TUBA1C: variants seen among roughly 807,000 people sequenced by gnomAD.
TUBA1C encodes tubulin alpha-1C chain.
A neutral mutation model predicts 34.9 loss-of-function variants in TUBA1C; 16 were observed. That is an observed-to-expected ratio of 0.46 (90% CI 0.31 to 0.70). TUBA1C has a LOEUF of 0.70. TUBA1C is among the 30% of genes least tolerant of loss of function. The pLI, the probability that TUBA1C is intolerant of heterozygous loss-of-function variation, is 0.05. For synonymous variants in TUBA1C, 177 were observed against 215.9 expected (o/e 0.82, Z 1.58); for missense variants, 329 against 587.3 (o/e 0.56, Z 4.55).
chr12:49,229,345 GTA>G (rs1244372740), intron 1 of TUBA1C, among the ~76,000 whole-genome samples: 1 of 152,074 alleles, frequency 6.6e-6, no homozygotes, highest in Non-Finnish European at 1.5e-5. Context: ...GCTAATTTTT[GTA>G]TTTTTAGTAG....
chr12:49,228,397 A>G (rs1362401803), intron 1 of TUBA1C, among the ~76,000 whole-genome samples: 1 of 152,210 alleles, frequency 6.6e-6, no homozygotes, highest in Non-Finnish European at 1.5e-5. Context: ...TAGGACCACA[A>G]ATAGACATAT....
intron 1 of TUBA1C, among the ~76,000 whole-genome samples, chr12:49,236,344 G>T (rs981827188): frequency 2.2e-4 from 33 of 152,206 alleles, no homozygotes; most frequent in Admixed American, 2.2e-3. Flanking sequence ...CAGAATATTA[G>T]AGCAGATTGC....
chr12:49,232,573 C>T (rs895231936), intron 1 of TUBA1C, among the ~76,000 whole-genome samples: 10 of 152,072 alleles, frequency 6.6e-5, no homozygotes, highest in Non-Finnish European at 1.2e-4. Context: ...TTTAAAAAGG[C>T]GCTATGTTAA....
chr12:49,259,294 C>T (rs1007902458), intron 1 of TUBA1C, among the ~76,000 whole-genome samples: 1 of 150,800 alleles, frequency 6.6e-6, no homozygotes, highest in Non-Finnish European at 1.5e-5. Context: ...ATGCAGTGTG[C>T]GATCTCGGCT....
intron 1 of TUBA1C, among the ~76,000 whole-genome samples, chr12:49,235,132 T>C (rs1038996893): frequency 6.8e-6 from 1 of 147,454 alleles, no homozygotes; most frequent in African/African-American, 2.6e-5. Context: ...AAAAAAAAAA[T>C]TAATTTGGGA....
upstream of TUBA1C, among the ~76,000 whole-genome samples, chr12:49,260,511 A>G (rs1942830999): frequency 6.6e-6 from 1 of 152,354 alleles, no homozygotes; most frequent in East Asian, 1.9e-4. Context: ...CGTCCAAAAC[A>G]CAGCTCAAAT....
At chr12:49,235,266 AATTCCCCTTCCTG>A (rs958579057) in intron 1 of TUBA1C, among the ~76,000 whole-genome samples, 2 of 151,820 alleles carry the variant, frequency 1.3e-5, no homozygotes, top group Non-Finnish European at 2.9e-5. Flanking sequence ...AAAAAAAAAA[AATTCCCCTTCCTG>A]TTAGTTCCAG....
chr12:49,244,345 C>T (rs1213786137), intron 1 of TUBA1C, among the ~76,000 whole-genome samples: 1 of 152,016 alleles, frequency 6.6e-6, no homozygotes, highest in Non-Finnish European at 1.5e-5. Context: ...GGATGTTTCC[C>T]TTCTGATTTG....
rs371053275 is a variant in TUBA1C at position 49,269,557 on chromosome 12, C to T, written c.96C>T (p.Pro32=). 40 of 1,614,078 alleles carry T rather than the reference C, an allele frequency of 2.5e-5. No homozygotes were observed. Among genetic ancestry groups the T allele is most frequent in the South Asian group, 5.5e-5 (5 of 91,082 alleles). Residue 32 remains proline, a synonymous_variant, in exon 2 of 4, where the codon CCC becomes CCT. Transcript: ENST00000301072. ...ACTGCCTGGAACACGGCATCCAGCC[C>T]GATGGCCAGATGCCAAGTGACAAGA... The part of the protein sequence containing the change: ...ELYCLEHGIQ[P]DGQMPSDKTI...
chr12:49,258,822 T>C (rs574837664), intron 1 of TUBA1C, among the ~76,000 whole-genome samples: 141 of 151,716 alleles, frequency 9.3e-4, no homozygotes, highest in Non-Finnish European at 1.8e-3. Context: ...AATGGCACAC[T>C]CTCGGCTCAC....
At chr12:49,266,611 G>C (rs1176294265) in intron 1 of TUBA1C, among the ~76,000 whole-genome samples, 1 of 152,214 alleles carries the variant, frequency 6.6e-6, no homozygotes. Flanking sequence ...CACTTTGGGA[G>C]TCCGAGGCGG....
At chr12:49,262,883 C>T (rs1942854891), upstream of TUBA1C, among the ~76,000 whole-genome samples, 1 of 152,096 alleles carries the variant, frequency 6.6e-6, no homozygotes, top group African/African-American at 2.4e-5. Context: ...TTTTTAGACT[C>T]ATAAAGATCT....
At chr12:49,235,217 G>A (rs1279008671) in intron 1 of TUBA1C, among the ~76,000 whole-genome samples, 1 of 151,510 alleles carries the variant, frequency 6.6e-6, no homozygotes, top group African/African-American at 2.4e-5. Flanking sequence ...TCCTGACACG[G>A]ACAAAAAGGC....
chr12:49,256,758 G>A (rs12309028), intron 1 of TUBA1C, among the ~76,000 whole-genome samples: 1 of 152,166 alleles, frequency 6.6e-6, no homozygotes, highest in Non-Finnish European at 1.5e-5. Context: ...CCCTGTTCCA[G>A]CCTCCTTCCT....
upstream of TUBA1C, among the ~76,000 whole-genome samples, chr12:49,262,467 T>C (rs1454423702): frequency 2.1e-5 from 3 of 145,850 alleles, no homozygotes; most frequent in Non-Finnish European, 4.5e-5. Flanking sequence ...CTGAACCGTG[T>C]CTTCTGTCAC....
intron 1 of TUBA1C, among the ~76,000 whole-genome samples, chr12:49,230,022 G>A (rs1344613205): frequency 2.6e-5 from 4 of 151,464 alleles, no homozygotes; most frequent in Admixed American, 6.6e-5. Flanking sequence ...TCCTGACTTC[G>A]TGATCTGCTT....
chr12:49,244,684 A>C (rs1250990294), intron 1 of TUBA1C, among the ~76,000 whole-genome samples: 1 of 152,088 alleles, frequency 6.6e-6, no homozygotes, highest in Non-Finnish European at 1.5e-5. Flanking sequence ...AGGCATAATA[A>C]TACCTTATAG....
At chr12:49,251,186 C>A (rs1942728707) in intron 1 of TUBA1C, among the ~76,000 whole-genome samples, 1 of 152,064 alleles carries the variant, frequency 6.6e-6, no homozygotes, top group South Asian at 2.1e-4. Flanking sequence ...CAGCCTGGGG[C>A]AACAGAGTGA....
At chr12:49,241,767 A>G (rs2136993961) in intron 1 of TUBA1C, among the ~76,000 whole-genome samples, 1 of 151,706 alleles carries the variant, frequency 6.6e-6, no homozygotes. Context: ...CTCCTGCCTC[A>G]GCCTCCCAAG....
Sources: gnomAD v4.1 joint callset for allele counts (sites outside exome capture counted in the v4.1 genomes callset) on GRCh38, gnomAD v4.1.1 for gene constraint, MANE v1.5 for transcripts, NCBI Gene and HGNC (gene_info 2026-07-23, HGNC 2026-07-21) for gene names.